NAV2: variants seen among roughly 807,000 people sequenced by gnomAD.
NAV2 encodes helicase, APC down-regulated 1.
In NAV2, 54 loss-of-function variants were observed where a neutral mutation model predicts 223.2. That is an observed-to-expected ratio of 0.24 (90% CI 0.19 to 0.30). The LOEUF (loss-of-function observed/expected upper bound fraction) is 0.30. Ranked by LOEUF, NAV2 falls within the 10% of genes least tolerant of loss-of-function variation. NAV2 has a pLI of 1.00. For missense variants in NAV2, 2,806 were observed against 3,147.5 expected, an observed-to-expected ratio of 0.89 and a Z score of 2.60; for synonymous variants, 1,279 against 1,239.3, an observed-to-expected ratio of 1.03 and a Z score of -0.67.
At chr11:20,100,546 G>GAT (rs1554965352) in intron 31 of NAV2, among the ~76,000 whole-genome samples, 2 of 141,764 alleles carry the variant, frequency 1.4e-5, no homozygotes, top group African/African-American at 5.3e-5. Context: ...ATACTAGAGG[G>GAT]GTGTGTGTGT....
At chr11:19,706,174 C>CT (rs1407235964) in intron 1 of NAV2, among the ~76,000 whole-genome samples, 2 of 152,158 alleles carry the variant, frequency 1.3e-5, no homozygotes, top group African/African-American at 4.8e-5. Flanking sequence ...TAGTCACAGT[C>CT]TAAGTTTTAA....
chr11:19,928,075 A>G (rs1025483371), intron 6 of NAV2, among the ~76,000 whole-genome samples: 7 of 152,154 alleles, frequency 4.6e-5, no homozygotes, highest in African/African-American at 1.2e-4. Flanking sequence ...TTTGATTTCT[A>G]TTTGGTTGAT....
At position 19,805,963 on chromosome 11, in the gene NAV2, C is replaced by T. The variant is rs556591320; in HGVS notation, c.268-26521C>T. Among the ~76,000 whole-genome samples, 142 of 152,294 alleles carry T rather than the reference C, an allele frequency of 9.3e-4. 2 individuals carry two copies. The South Asian group carries it at 0.029, about 31-fold the overall frequency. ...CCTGGATAATTTCCATGAAACCATGCGTGTCTGATTTCTGAACCTGGAATT... is the reference window on the plus strand; with the variant it reads ...CCTGGATAATTTCCATGAAACCATGTGTGTCTGATTTCTGAACCTGGAATT... On this transcript the variant is annotated intron_variant, in intron 1 of 37. Transcript: ENST00000349880.
chr11:19,557,747 A>T (rs1428862362), intron 1 of NAV2, among the ~76,000 whole-genome samples: 1 of 152,244 alleles, frequency 6.6e-6, no homozygotes, highest in African/African-American at 2.4e-5. Context: ...CTGCACTTCC[A>T]GGTGAGAAGC....
At chr11:20,110,334 CTG>C (rs2062514120) in intron 36 of NAV2, among the ~76,000 whole-genome samples, 1 of 152,196 alleles carries the variant, frequency 6.6e-6, no homozygotes, top group African/African-American at 2.4e-5. Context: ...ACTGTATAGA[CTG>C]CGGATTCCTG....
rs550655088 is a variant in NAV2, at chr11:19,805,137, G to A, written c.268-27347G>A. ...TTCTGGCCCTCATTTGAATCTGGAT[G>A]CATGCTGACAGATTCTGACAGGTCT... On this transcript the variant is annotated intron_variant, in intron 1 of 37. Transcript: ENST00000349880. Among the ~76,000 whole-genome samples, 5 of 152,290 alleles carry A rather than the reference G, an allele frequency of 3.3e-5. No individual in the cohort carries two copies. The East Asian group carries it at 7.7e-4, about 24-fold the overall frequency.
chr11:19,880,216 C>A, intron 5 of NAV2, 89 bp downstream of exon 5: 1 of 1,439,788 alleles, frequency 6.9e-7, no homozygotes, highest in South Asian at 1.5e-5. Context: ...ATGGCTTTTT[C>A]ATTTGTGCTT....
chr11:19,848,745 G>A (rs903419217), intron 3 of NAV2, among the ~76,000 whole-genome samples: 1 of 152,222 alleles, frequency 6.6e-6, no homozygotes, highest in African/African-American at 2.4e-5. Context: ...AGGGACTTAA[G>A]TATTTGTTAA....
At chr11:19,364,995 T>C (rs1854182384) in intron 1 of NAV2, among the ~76,000 whole-genome samples, 1 of 152,222 alleles carries the variant, frequency 6.6e-6, no homozygotes, top group Admixed American at 6.5e-5. Context: ...ATCTGAGCTT[T>C]CTTTTGAGGG....
chr11:19,913,575 A>G (rs534847825), intron 6 of NAV2, among the ~76,000 whole-genome samples: 3 of 152,308 alleles, frequency 2.0e-5, no homozygotes, highest in East Asian at 1.9e-4. Flanking sequence ...AGAACTGTCT[A>G]TGTGTGCCCC....
At chr11:19,563,238 A>G (rs2045158578) in intron 1 of NAV2, among the ~76,000 whole-genome samples, 1 of 152,232 alleles carries the variant, frequency 6.6e-6, no homozygotes, top group East Asian at 1.9e-4. Flanking sequence ...ACGCCTGCCC[A>G]ATAGTCAGGA....
intron 5 of NAV2, among the ~76,000 whole-genome samples, chr11:19,884,906 G>T (rs934213586): frequency 1.3e-5 from 2 of 152,066 alleles, no homozygotes; most frequent in African/African-American, 4.8e-5. Context: ...GCTATGTCTC[G>T]TCTTTGTTTC....
At chr11:19,391,552 C>A (rs971894468) in intron 1 of NAV2, among the ~76,000 whole-genome samples, 1 of 152,114 alleles carries the variant, frequency 6.6e-6, no homozygotes, top group Admixed American at 6.6e-5. Flanking sequence ...GTGGGCAAGA[C>A]GTTCACTGTT....
At chr11:19,602,507 T>G (rs1199978405) in intron 1 of NAV2, among the ~76,000 whole-genome samples, 10 of 152,136 alleles carry the variant, frequency 6.6e-5, no homozygotes, top group Non-Finnish European at 7.4e-5. Context: ...GGAGAGTATA[T>G]TAGTTTCCTG....
intron 1 of NAV2, among the ~76,000 whole-genome samples, chr11:19,453,582 T>A (rs1344537917): frequency 6.6e-6 from 1 of 152,150 alleles, no homozygotes; most frequent in East Asian, 1.9e-4. Flanking sequence ...CAGCCTGAAA[T>A]GTATGTCATC....
chr11:19,992,356 G>T (rs2051422657), intron 11 of NAV2, among the ~76,000 whole-genome samples: 1 of 152,226 alleles, frequency 6.6e-6, no homozygotes, highest in Non-Finnish European at 1.5e-5. Flanking sequence ...AACCACAGAG[G>T]AATTCTACCA....
intron 1 of NAV2, chr11:19,503,900 A>G (rs1336561347): frequency 3.9e-5 from 6 of 152,248 alleles, no homozygotes; most frequent in Non-Finnish European, 5.9e-5. Context: ...AGCGGGGAAA[A>G]TAATTGCAAA....
At chr11:19,474,107 G>C (rs993311658) in intron 1 of NAV2, among the ~76,000 whole-genome samples, 1 of 152,176 alleles carries the variant, frequency 6.6e-6, no homozygotes, top group Non-Finnish European at 1.5e-5. Flanking sequence ...TAATTTCAGG[G>C]AACCCAAACT....
At chr11:19,636,761 C>T (rs2047515080) in intron 1 of NAV2, among the ~76,000 whole-genome samples, 1 of 152,168 alleles carries the variant, frequency 6.6e-6, no homozygotes, top group African/African-American at 2.4e-5. Flanking sequence ...TGAGCCACCG[C>T]ACCCGGCCGA....
Sources: gnomAD v4.1 joint callset for allele counts (sites outside exome capture counted in the v4.1 genomes callset) on GRCh38, gnomAD v4.1.1 for gene constraint, MANE v1.5 for transcripts, NCBI Gene and HGNC (gene_info 2026-07-23, HGNC 2026-07-21) for gene names.